FAT3: variants seen among roughly 807,000 people sequenced by gnomAD.
FAT3 encodes the protein protocadherin Fat 3.
Under a neutral mutation model 310.2 loss-of-function variants are expected in FAT3, and 95 were observed. The ratio of observed to expected loss-of-function variants is 0.31; its 90% confidence interval spans 0.26 to 0.36. The LOEUF is 0.36. Ranked by LOEUF, FAT3 falls within the 10% of genes least tolerant of loss-of-function variation. The pLI is 1.00. For synonymous variants in FAT3, 2,314 were observed against 2,192.9 expected, an observed-to-expected ratio of 1.06 and a Z score of -1.54; for missense variants, 5,408 against 5,715.6, an observed-to-expected ratio of 0.95 and a Z score of 1.74.
chr11:92,778,359 C>G (rs192787286), intron 7 of FAT3, among the ~76,000 whole-genome samples: 17 of 152,286 alleles, frequency 1.1e-4, no homozygotes, highest in African/African-American at 4.1e-4. Flanking sequence ...AGCAGATAGT[C>G]CATTAACTGA....
At chr11:92,466,873 A>G (rs925050817) in intron 2 of FAT3, among the ~76,000 whole-genome samples, 5 of 151,040 alleles carry the variant, frequency 3.3e-5, no homozygotes, top group African/African-American at 9.7e-5. Context: ...GAGAATGATG[A>G]TTTCCAATTT....
intron 4 of FAT3, among the ~76,000 whole-genome samples, chr11:92,760,656 T>C (rs1041416234): frequency 2.0e-5 from 3 of 152,234 alleles, no homozygotes; most frequent in African/African-American, 7.2e-5. Flanking sequence ...GAAATGGGAA[T>C]AAATAAACCT....
chr11:92,565,437 C>T (rs1055975609), intron 3 of FAT3, among the ~76,000 whole-genome samples: 12 of 134,736 alleles, frequency 8.9e-5, no homozygotes, highest in Non-Finnish European at 1.1e-4. Flanking sequence ...GATGGATTCA[C>T]AGCCGAATTC....
intron 2 of FAT3, among the ~76,000 whole-genome samples, chr11:92,507,616 C>T (rs532905530): frequency 2.0e-4 from 30 of 150,756 alleles, no homozygotes; most frequent in African/African-American, 4.4e-4. Context: ...TGTGTATATA[C>T]GTATAGGAAA....
Position 92,790,233 on chromosome 11 carries a change from C to G in FAT3, c.4611+15C>G, listed in dbSNP as rs1947005510. On this transcript the variant is annotated intron_variant, in intron 8 of 27. Transcript: ENST00000525166. ...TCAACATAATGGTAGGACCAAAATC[C>G]TAATTAGCACTCCTACAGAACCACT... The G allele has an allele frequency of 6.2e-7, 1 of 1,611,764 alleles. No individual in the cohort carries two copies. Among genetic ancestry groups the G allele is most frequent in the Non-Finnish European group, 8.5e-7 (1 of 1,178,416 alleles).
intron 4 of FAT3, among the ~76,000 whole-genome samples, chr11:92,737,520 C>T (rs995640254): frequency 3.3e-5 from 5 of 150,394 alleles, no homozygotes; most frequent in Admixed American, 2.0e-4. Context: ...TCACTGTGTA[C>T]GTGTGTGTGT....
chr11:92,406,868 C>A (rs1950147026), intron 2 of FAT3, among the ~76,000 whole-genome samples: 1 of 152,166 alleles, frequency 6.6e-6, no homozygotes, highest in Non-Finnish European at 1.5e-5. Context: ...AAACACTAGA[C>A]AGATCCAGGT....
intron 3 of FAT3, among the ~76,000 whole-genome samples, chr11:92,629,589 T>C (rs1367914181): frequency 6.6e-6 from 1 of 151,926 alleles, no homozygotes; most frequent in Non-Finnish European, 1.5e-5. Context: ...TTTTAAATTC[T>C]TTGTAGAGAT....
In FAT3 at chr11:92,550,264, T is replaced by C. The variant is rs151270711; in HGVS notation, c.3607+25316T>C. Among the ~76,000 whole-genome samples, 847 of 152,302 alleles carry C rather than the reference T, an allele frequency of 5.6e-3. 5 individuals carry two copies. The highest frequency in any genetic ancestry group is 0.019 in the African/African-American group (804 of 41,562). ...TTTCACATATATGAGCATTGTGTAC[T>C]GTATTACCACTCAGTTTAAAGAAAT... On this transcript the variant is annotated intron_variant, in intron 3 of 27. Coordinates refer to ENST00000525166, the MANE Select transcript of FAT3 (RefSeq NM_001367949.2).
intron 22 of FAT3, among the ~76,000 whole-genome samples, chr11:92,873,180 A>T (rs1591838318): frequency 6.6e-6 from 1 of 152,286 alleles, no homozygotes. Flanking sequence ...AGTGAGTATT[A>T]GTGAGTCTCA....
chr11:92,889,073 A>C, intron 25 of FAT3, 116 bp from the exon 26 acceptor site: 4 of 546,790 alleles, frequency 7.3e-6, no homozygotes, highest in Admixed American at 3.1e-5. Flanking sequence ...GGGTGTTTGC[A>C]TGCCGCACCT....
At chr11:92,418,419 A>ACCCCCCC (rs1208826432) in intron 2 of FAT3, among the ~76,000 whole-genome samples, 2 of 39,536 alleles carry the variant, frequency 5.1e-5, no homozygotes, top group Admixed American at 3.2e-4. Flanking sequence ...AAAGTTAAAC[A>ACCCCCCC]CCCCCCCCAC....
chr11:92,582,700 G>A (rs11020015), intron 3 of FAT3, among the ~76,000 whole-genome samples: 52,934 of 151,836 alleles, frequency 0.35, 10,106 homozygotes, highest in Non-Finnish European at 0.44. Context: ...GTAAGATGCT[G>A]CATACTGTGA....
intron 3 of FAT3, among the ~76,000 whole-genome samples, chr11:92,590,684 G>A (rs183492755): frequency 1.9e-4 from 29 of 152,222 alleles, no homozygotes; most frequent in African/African-American, 7.0e-4. Flanking sequence ...TTGTAATCTA[G>A]TTGAGTCAGG....
At chr11:92,438,062 G>A (rs1273820470) in intron 2 of FAT3, among the ~76,000 whole-genome samples, 1 of 152,172 alleles carries the variant, frequency 6.6e-6, no homozygotes, top group Non-Finnish European at 1.5e-5. Context: ...TGCCTCTGCT[G>A]TACTGGCAAT....
intron 7 of FAT3, 143 bp from the exon 8 acceptor site, chr11:92,789,800 A>G: frequency 1.4e-6 from 1 of 726,278 alleles, no homozygotes; most frequent in Non-Finnish European, 2.2e-6. Context: ...TGTTTTTATT[A>G]GTGAGTTTCC....
At chr11:92,271,661 T>C (rs977639881) in intron 1 of FAT3, among the ~76,000 whole-genome samples, 4 of 152,156 alleles carry the variant, frequency 2.6e-5, no homozygotes, top group African/African-American at 9.7e-5. Context: ...ATTGACTGAG[T>C]GACATTTAAT....
At chr11:92,460,623 A>G (rs183267545) in intron 2 of FAT3, among the ~76,000 whole-genome samples, 2 of 152,348 alleles carry the variant, frequency 1.3e-5, no homozygotes, top group East Asian at 3.9e-4. Flanking sequence ...GCCCAGTGAT[A>G]CAGAGCTTGC....
intron 1 of FAT3, among the ~76,000 whole-genome samples, chr11:92,235,970 A>G (rs908389400): frequency 2.0e-5 from 3 of 152,248 alleles, no homozygotes; most frequent in Non-Finnish European, 4.4e-5. Context: ...CGAAGGTAAA[A>G]TAGACTGGGA....
Sources: allele counts gnomAD v4.1 joint callset (sites outside exome capture counted in the v4.1 genomes callset), GRCh38; gene constraint gnomAD v4.1.1; transcripts MANE v1.5; gene names NCBI Gene and HGNC (gene_info 2026-07-23, HGNC 2026-07-21).